The following MSI2 variants were observed in gnomAD, a reference collection of about 807,000 sequenced individuals.
The protein encoded by MSI2 is RNA-binding protein Musashi homolog 2.
Under a neutral mutation model 45.6 loss-of-function variants are expected in MSI2, and 17 were observed. The ratio of observed to expected loss-of-function variants is 0.37; its 90% confidence interval spans 0.26 to 0.56. The LOEUF (loss-of-function observed/expected upper bound fraction) is 0.56, where lower values mean the gene tolerates loss of function less well. Ranked by LOEUF, MSI2 falls within the 20% of genes least tolerant of loss-of-function variation. The probability of loss-of-function intolerance (pLI) is 0.77; values close to 1 mark genes in which losing one functional copy is unlikely to be tolerated. For missense variants in MSI2, 293 were observed against 444.2 expected, an observed-to-expected ratio of 0.66 and a Z score of 3.06; for synonymous variants, 156 against 158.2, an observed-to-expected ratio of 0.99 and a Z score of 0.11.
intron 6 of MSI2, among the ~76,000 whole-genome samples, chr17:57,433,440 T>A (rs542011148): frequency 6.6e-6 from 1 of 152,186 alleles, no homozygotes; most frequent in South Asian, 2.1e-4. Context: ...CCACAAGCCA[T>A]GGGACACCAA....
chr17:57,300,618 T>C (rs1441025622), intron 5 of MSI2, among the ~76,000 whole-genome samples: 2 of 152,220 alleles, frequency 1.3e-5, no homozygotes, highest in Non-Finnish European at 2.9e-5. Context: ...TAGCCCGTTT[T>C]CATGCTGCTG....
intron 7 of MSI2, among the ~76,000 whole-genome samples, chr17:57,559,836 G>A (rs1229460359): frequency 6.6e-6 from 1 of 152,270 alleles, no homozygotes; most frequent in African/African-American, 2.4e-5. Flanking sequence ...GCCAAGTGGT[G>A]GACGTCTCCA....
chr17:57,381,289 C>T (rs927747754), intron 5 of MSI2, among the ~76,000 whole-genome samples: 4 of 152,094 alleles, frequency 2.6e-5, no homozygotes, highest in African/African-American at 9.7e-5. Flanking sequence ...TGGTCTTGAA[C>T]TCCTGGATTC....
In MSI2 at chr17:57,652,154, A is replaced by G; in HGVS notation, c.783A>G (p.Arg261=). 2 of 1,614,004 alleles carry G rather than the reference A, an allele frequency of 1.2e-6. No homozygotes were observed. Among genetic ancestry groups the G allele is most frequent in the South Asian group, 1.1e-5 (1 of 91,070 alleles). ...CAGCAGCGGCGGTGGCGGCAGCAAG[A>G]GGATCAGGTAGGAAGGTGTATGGGA... ...PVAAAAVAAA[R]GSGSNPARPG... Residue 261 remains arginine (R), a synonymous_variant, in exon 11 of 14, where the codon AGA becomes AGG. Coordinates refer to ENST00000284073, the MANE Select transcript of MSI2 (RefSeq NM_138962.4). The surrounding 1 kb of genome is among the most constrained non-coding windows in gnomAD (Gnocchi z 4.1).
rs554955141 is a variant in MSI2 at position 57,660,875 on chromosome 17, C to A, written c.790+8714C>A. Among the ~76,000 whole-genome samples, 9 of 152,156 alleles carry A rather than the reference C, an allele frequency of 5.9e-5. No individual in the cohort carries two copies. In the East Asian group the frequency reaches 1.5e-3, roughly 26 times the overall value. On this transcript the variant is annotated intron_variant, in intron 11 of 13. Coordinates refer to ENST00000284073, the MANE Select transcript of MSI2 (RefSeq NM_138962.4). ...GCTGGGCAGAATCAGAGCAGGGGAC[C>A]CTTGGTACTACGCTAAGGAGACTGG...
chr17:57,655,338 A>G (rs1336353291), intron 11 of MSI2, among the ~76,000 whole-genome samples: 1 of 152,154 alleles, frequency 6.6e-6, no homozygotes, highest in African/African-American at 2.4e-5. Flanking sequence ...TGGCCCCATC[A>G]TGTCCCACCC....
At chr17:57,347,405 CT>C (rs1036893560) in intron 5 of MSI2, among the ~76,000 whole-genome samples, 3 of 152,194 alleles carry the variant, frequency 2.0e-5, no homozygotes, top group African/African-American at 7.2e-5. Context: ...TATAGCACCA[CT>C]TTTCAAATTT....
intron 7 of MSI2, among the ~76,000 whole-genome samples, chr17:57,562,813 A>G (rs1337894944): frequency 2.6e-5 from 4 of 152,170 alleles, no homozygotes; most frequent in Non-Finnish European, 2.9e-5. Context: ...AAAAATGCGT[A>G]CAGGCCGGGT....
chr17:57,378,702 C>G (rs1372526371), intron 5 of MSI2, among the ~76,000 whole-genome samples: 2 of 152,182 alleles, frequency 1.3e-5, no homozygotes, highest in African/African-American at 4.8e-5. Flanking sequence ...CGGCCCATTT[C>G]TTGTTTATCT....
At chr17:57,653,469 G>A (rs1390657509) in intron 11 of MSI2, among the ~76,000 whole-genome samples, 3 of 152,102 alleles carry the variant, frequency 2.0e-5, no homozygotes, top group Non-Finnish European at 4.4e-5. Context: ...CCTCTGGCCA[G>A]TGTCCCTCAG....
intron 6 of MSI2, among the ~76,000 whole-genome samples, chr17:57,482,443 A>G (rs1481923060): frequency 2.6e-5 from 4 of 152,162 alleles, no homozygotes; most frequent in Non-Finnish European, 5.9e-5. Context: ...CCCGTGTACA[A>G]TTTGATTTCT....
chr17:57,308,263 C>T (rs551342271), intron 5 of MSI2, among the ~76,000 whole-genome samples: 1 of 152,250 alleles, frequency 6.6e-6, no homozygotes, highest in Admixed American at 6.5e-5. Flanking sequence ...ATACCACCAC[C>T]GCCACCATTT....
At chr17:57,647,309 A>C (rs1448793229) in intron 10 of MSI2, among the ~76,000 whole-genome samples, 1 of 145,454 alleles carries the variant, frequency 6.9e-6, no homozygotes, top group African/African-American at 2.5e-5. Context: ...AATAGCCAGG[A>C]GTGGTGGCAC....
chr17:57,256,768 C>T lies in MSI2; in HGVS notation c.26C>T (p.Thr9Ile). The T allele has an allele frequency of 6.8e-7, 1 of 1,477,878 alleles. No homozygotes were observed. Among genetic ancestry groups the T allele is most frequent in the African/African-American group, 1.5e-5 (1 of 67,704 alleles). The allele number at this position is 1,477,878 out of a possible 1,614,324, so 91.5% of individuals were successfully genotyped here. Reference protein sequence around the residue: MEANGSQGTSGSANDSQHD... With the variant: MEANGSQGISGSANDSQHD... ...ATGGAGGCAAATGGGAGCCAAGGCA[C>T]CTCGGGCAGCGCCAACGACTCCCAG... Residue 9 changes from threonine to isoleucine, a missense_variant, in exon 1 of 14, where the codon ACC becomes ATC. Coordinates refer to ENST00000284073, the MANE Select transcript of MSI2 (RefSeq NM_138962.4).
At chr17:57,455,840 C>T (rs540989200) in intron 6 of MSI2, among the ~76,000 whole-genome samples, 103 of 152,300 alleles carry the variant, frequency 6.8e-4, no homozygotes, top group Non-Finnish European at 1.2e-3. Context: ...TTTGCTCCTC[C>T]GCAGCACGCA....
chr17:57,413,156 TAC>T (rs142358775), intron 6 of MSI2, among the ~76,000 whole-genome samples: 6,602 of 151,686 alleles, frequency 0.044, 466 homozygotes, highest in African/African-American at 0.15. Flanking sequence ...AGCCTTTATA[TAC>T]ACACACACAC....
In MSI2 at chr17:57,471,175, G is replaced by T. The variant is rs189480901; in HGVS notation, c.406-58501G>T. 9.3e-4 allele frequency among the ~76,000 whole-genome samples: 141 copies of T among 151,398 alleles called. 2 individuals are homozygous for T. In the South Asian group the frequency reaches 0.017, roughly 19 times the overall value. ...CCTGCCTGGCCTCTGAGGCACTTGA[G>T]TTTGTGCCTTCTGTATTGACCTTTA... On this transcript the variant is annotated intron_variant, in intron 6 of 13. Coordinates refer to ENST00000284073, the MANE Select transcript of MSI2 (RefSeq NM_138962.4).
In MSI2 at chr17:57,446,878, G is replaced by C. The variant is rs377554692; in HGVS notation, c.405+45407G>C. On this transcript the variant is annotated intron_variant, in intron 6 of 13. Transcript: ENST00000284073. ...TGGTGTGGCAAGAAATGAACCTTTTGGGAAGAAAAGCTGGGGTCAGGTTGG... is the reference window on the plus strand; with the variant it reads ...TGGTGTGGCAAGAAATGAACCTTTTCGGAAGAAAAGCTGGGGTCAGGTTGG... Among the ~76,000 whole-genome samples the C allele has an allele frequency of 2.6e-5, 4 of 152,268 alleles. No individual in the cohort carries two copies. The East Asian group carries it at 5.8e-4, about 22-fold the overall frequency.
intron 6 of MSI2, among the ~76,000 whole-genome samples, chr17:57,507,451 T>C (rs980420064): frequency 1.3e-5 from 2 of 152,234 alleles, no homozygotes; most frequent in Non-Finnish European, 2.9e-5. Flanking sequence ...TCTAGCATTT[T>C]CTTCTGAATA....
Sources: gnomAD v4.1 joint callset for allele counts (sites outside exome capture counted in the v4.1 genomes callset) on GRCh38, gnomAD v4.1.1 for gene constraint, Gnocchi (gnomAD v3.1) non-coding constraint, MANE v1.5 for transcripts, NCBI Gene and HGNC (gene_info 2026-07-23, HGNC 2026-07-21) for gene names.